KDM6A: variants seen among roughly 807,000 people sequenced by gnomAD.
KDM6A encodes lysine demethylase 6A.
In KDM6A, 11 loss-of-function variants were observed where a neutral mutation model predicts 117.6. The observed-to-expected ratio is 0.09, with a 90% CI of 0.06 to 0.15. The LOEUF (loss-of-function observed/expected upper bound fraction) is 0.15, where lower values mean the gene tolerates loss of function less well. Ranked by LOEUF, KDM6A falls within the 10% of genes least tolerant of loss-of-function variation. KDM6A has a pLI of 1.00. For missense variants in KDM6A, 799 were observed against 1,077.3 expected (o/e 0.74, Z 3.62); for synonymous variants, 384 against 396.1 (o/e 0.97, Z 0.36).
intron 8 of KDM6A, among the ~76,000 whole-genome samples, chrX:45,041,183 C>CCA (rs1223329512): frequency 1.7e-4 from 14 of 83,372 alleles, no homozygotes; most frequent in African/African-American, 7.8e-4. Context: ...GCTGACCCCC[C>CCA]CCTCCCCCCT....
In KDM6A at chrX:45,068,816, CT is replaced by C. The variant is rs1448840983; in HGVS notation, c.2080-762del. 3.7e-3 allele frequency among the ~76,000 whole-genome samples: 379 copies of C among 102,110 alleles called. 2 individuals are homozygous for C. Among genetic ancestry groups the C allele is most frequent in the African/African-American group, 0.014 (357 of 25,694 alleles). 88.7% of individuals were successfully genotyped at this position (102,110 alleles called of 115,157 possible). A position where few individuals can be genotyped will look rare whatever the true frequency, so the allele number is the denominator to read the frequency against. ...TCTCTTTCTCTTTCTCTTTCTCTTT[CT>C]CTTTCTCTTTCCCTTTCCCTTTCCC... On this transcript the variant is annotated intron_variant, in intron 17 of 29. Coordinates refer to ENST00000611820, the MANE Select transcript of KDM6A (RefSeq NM_001291415.2).
chrX:44,881,285 T>C (rs1022887122), intron 2 of KDM6A, among the ~76,000 whole-genome samples: 6 of 111,637 alleles, frequency 5.4e-5, no homozygotes, highest in African/African-American at 1.3e-4. Flanking sequence ...ACAAAAATTA[T>C]CTGGGTGTGA....
At chrX:44,997,829 T>C (rs367665259) in intron 4 of KDM6A, among the ~76,000 whole-genome samples, 6 of 111,989 alleles carry the variant, frequency 5.4e-5, no homozygotes, top group East Asian at 5.6e-4. Context: ...ATTTGCCCGA[T>C]TAAGGAGTGA....
chrX:45,043,822 C>T (rs1168887577), intron 8 of KDM6A, among the ~76,000 whole-genome samples: 1 of 111,656 alleles, frequency 9.0e-6, no homozygotes, highest in African/African-American at 3.3e-5. Context: ...TATTGTCATA[C>T]CATCTATAAA....
chrX:45,094,898 A>C (rs979231809), intron 27 of KDM6A, among the ~76,000 whole-genome samples: 3 of 111,291 alleles, frequency 2.7e-5, no homozygotes, highest in African/African-American at 9.8e-5. Flanking sequence ...AAAATAAGAT[A>C]CAGTTGTAAA....
intron 2 of KDM6A, among the ~76,000 whole-genome samples, chrX:44,884,273 G>C (rs904886099): frequency 1.8e-5 from 2 of 110,508 alleles, no homozygotes; most frequent in Non-Finnish European, 1.9e-5. Context: ...ATGTTTTGGG[G>C]CATTGTTAAA....
chrX:45,093,497 C>A (rs905849192), intron 27 of KDM6A, among the ~76,000 whole-genome samples: 1 of 110,346 alleles, frequency 9.1e-6, no homozygotes, highest in Non-Finnish European at 1.9e-5. Context: ...TGTAACAGTA[C>A]AGACCAACCT....
At chrX:45,035,989 G>A (rs1007215569) in intron 7 of KDM6A, among the ~76,000 whole-genome samples, 2 of 111,896 alleles carry the variant, frequency 1.8e-5, no homozygotes, top group Non-Finnish European at 3.8e-5. Context: ...GGGAGCCACC[G>A]CGCCCGTCCG....
intron 16 of KDM6A, 102 bp from the exon 17 acceptor site, chrX:45,063,320 A>T: frequency 1.3e-6 from 1 of 771,119 alleles, no homozygotes; most frequent in Non-Finnish European, 2.0e-6. Flanking sequence ...CCCTAATTAT[A>T]CATCTTCATA....
chrX:44,939,527 A>G (rs1010795355), intron 2 of KDM6A, among the ~76,000 whole-genome samples: 5 of 112,365 alleles, frequency 4.4e-5, no homozygotes, highest in Non-Finnish European at 9.4e-5. Context: ...CTCCTGGTGA[A>G]GATGCTGTGA....
At chrX:45,003,703 C>T (rs2041271295) in intron 4 of KDM6A, among the ~76,000 whole-genome samples, 1 of 109,588 alleles carries the variant, frequency 9.1e-6, no homozygotes, top group Non-Finnish European at 1.9e-5. Flanking sequence ...ACTTATCTCT[C>T]TCTCTCTCTT....
chrX:44,961,649 A>G (rs2038676991), intron 3 of KDM6A, among the ~76,000 whole-genome samples: 1 of 112,195 alleles, frequency 8.9e-6, no homozygotes, highest in Admixed American at 9.5e-5. Context: ...TTCCCATAGT[A>G]GAAAGTGACC....
intron 27 of KDM6A, chrX:45,106,672 T>A (rs1051798178): frequency 2.7e-5 from 9 of 337,581 alleles, no homozygotes; most frequent in Non-Finnish European, 5.3e-5. Flanking sequence ...AGCAAACAAC[T>A]CCAAGTAATG....
At chrX:44,956,456 G>A (rs763542352) in intron 2 of KDM6A, among the ~76,000 whole-genome samples, 2 of 110,681 alleles carry the variant, frequency 1.8e-5, no homozygotes, top group East Asian at 5.7e-4. Flanking sequence ...CTGGAGTGCA[G>A]TGGTGCAATC....
intron 2 of KDM6A, among the ~76,000 whole-genome samples, chrX:44,891,345 G>A (rs1382042829): frequency 2.7e-5 from 3 of 111,308 alleles, no homozygotes; most frequent in African/African-American, 9.8e-5. Flanking sequence ...TGTTTTTGCT[G>A]TAGATGTTCA....
chrX:45,085,453 T>C lies in KDM6A; in HGVS notation c.3590-412T>C, dbSNP rs1247677886. 4.5e-5 allele frequency among the ~76,000 whole-genome samples: 5 copies of C among 111,757 alleles called. No homozygotes were observed. In the East Asian group the frequency reaches 8.4e-4, roughly 19 times the overall value. On this transcript the variant is annotated intron_variant, in intron 24 of 29. Transcript: ENST00000611820. ...GGAGCATCTGTATTAAGCACTGTTA[T>C]ATGCATTCATTAGTTTATCCATCTT...
chrX:45,040,309 C>A (rs2147817606), intron 8 of KDM6A, among the ~76,000 whole-genome samples: 1 of 97,612 alleles, frequency 1.0e-5, no homozygotes, highest in Non-Finnish European at 2.1e-5. Flanking sequence ...GGGCGGCTGG[C>A]CGGGCAGAGG....
At chrX:45,043,744 C>T (rs2043398025) in intron 8 of KDM6A, among the ~76,000 whole-genome samples, 1 of 110,917 alleles carries the variant, frequency 9.0e-6, no homozygotes, top group African/African-American at 3.3e-5. Flanking sequence ...CGCCACTGCA[C>T]GCCAGCCTGG....
At chrX:45,036,584 C>T (rs1370856174) in intron 7 of KDM6A, among the ~76,000 whole-genome samples, 2 of 111,966 alleles carry the variant, frequency 1.8e-5, no homozygotes, top group Non-Finnish European at 3.8e-5. Context: ...AAAATTGACT[C>T]ATTGGTTTAG....
Sources: allele counts gnomAD v4.1 joint callset (sites outside exome capture counted in the v4.1 genomes callset), GRCh38; gene constraint gnomAD v4.1.1; transcripts MANE v1.5; gene names NCBI Gene and HGNC (gene_info 2026-07-23, HGNC 2026-07-21).